DZIP3: variants seen among roughly 807,000 people sequenced by gnomAD.
The protein encoded by DZIP3 is E3 ubiquitin-protein ligase DZIP3.
In DZIP3, 118 loss-of-function variants were observed where a neutral mutation model predicts 162.0. That is an observed-to-expected ratio of 0.73 (90% CI 0.63 to 0.85). The LOEUF is 0.85. Among genes scored for constraint, DZIP3 ranks in the 40% least tolerant of loss-of-function variants. The pLI, the probability that DZIP3 is intolerant of heterozygous loss-of-function variation, is 0.00. For missense variants in DZIP3, 1,331 were observed against 1,407.0 expected, an observed-to-expected ratio of 0.95 and a Z score of 0.86; for synonymous variants, 438 against 458.6, an observed-to-expected ratio of 0.96 and a Z score of 0.57.
At chr3:108,665,664 T>C (rs1318790547) in intron 21 of DZIP3, among the ~76,000 whole-genome samples, 1 of 152,148 alleles carries the variant, frequency 6.6e-6, no homozygotes. Context: ...CTAAGACACA[T>C]CATAACTTAA....
intron 22 of DZIP3, among the ~76,000 whole-genome samples, 180 bp downstream of exon 22, chr3:108,669,929 T>C (rs1181102882): frequency 1.3e-5 from 2 of 151,728 alleles, no homozygotes; most frequent in Non-Finnish European, 2.9e-5. Flanking sequence ...CTTAGGCAAA[T>C]AGGGAGGTAT....
chr3:108,591,351 C>T lies in DZIP3; in HGVS notation c.-73+1512C>T, dbSNP rs147437184. Among the ~76,000 whole-genome samples the T allele has an allele frequency of 4.0e-3, 611 of 152,326 alleles. 1 individual carries two copies. The highest frequency in any genetic ancestry group is 6.9e-3 in the Non-Finnish European group (471 of 68,024). On this transcript the variant is annotated intron_variant, in intron 1 of 32. Coordinates refer to ENST00000361582, the MANE Select transcript of DZIP3 (RefSeq NM_014648.4). ...ATAATTAAGTTCTCAGTGTTACAGT[C>T]AGTGCCTCATTGGCAAATGAAGTGA...
chr3:108,655,212 T>C (rs1003804862), intron 19 of DZIP3, among the ~76,000 whole-genome samples: 5 of 152,208 alleles, frequency 3.3e-5, no homozygotes, highest in African/African-American at 1.2e-4. Flanking sequence ...AACCCATTTA[T>C]CACCTGCATA....
intron 25 of DZIP3, 115 bp from the exon 26 acceptor site, chr3:108,677,382 C>T: frequency 1.5e-6 from 1 of 648,348 alleles, no homozygotes; most frequent in East Asian, 3.0e-5. Context: ...TTATTTCTGA[C>T]AGGTTGGCAA....
intron 14 of DZIP3, among the ~76,000 whole-genome samples, chr3:108,645,309 A>C (rs1268818424): frequency 1.3e-5 from 2 of 152,190 alleles, no homozygotes; most frequent in Non-Finnish European, 2.9e-5. Context: ...CATGACATGT[A>C]AGTACTGTGT....
At chr3:108,631,135 G>C (rs1941866430) in intron 8 of DZIP3, among the ~76,000 whole-genome samples, 1 of 140,884 alleles carries the variant, frequency 7.1e-6, no homozygotes, top group African/African-American at 2.7e-5. Context: ...GCTGGCCTCA[G>C]GGTTTCCCTT....
intron 27 of DZIP3, among the ~76,000 whole-genome samples, chr3:108,686,166 ATATTTATAAACAGTTAGAAAT>A (rs1401617436): frequency 6.6e-6 from 1 of 152,218 alleles, no homozygotes; most frequent in Non-Finnish European, 1.5e-5. Flanking sequence ...ATAAGTTTAA[ATATTTATAAACAGTTAGAAAT>A]ATTGTTTGTA....
At chr3:108,589,930 C>T (rs539458541) in intron 1 of DZIP3, 91 bp downstream of exon 1, 97 of 152,502 alleles carry the variant, frequency 6.4e-4, no homozygotes, top group African/African-American at 2.3e-3. Flanking sequence ...ACACCCGCCC[C>T]TTCTGCCCGG....
chr3:108,686,646 T>C (rs1559787250), intron 28 of DZIP3, 62 bp downstream of exon 28: 3 of 1,395,064 alleles, frequency 2.2e-6, no homozygotes, highest in Non-Finnish European at 2.8e-6. Context: ...ATAGCCATAA[T>C]TGTGGCAATG....
chr3:108,637,232 G>T (rs1415102258), intron 11 of DZIP3, among the ~76,000 whole-genome samples: 2 of 151,878 alleles, frequency 1.3e-5, no homozygotes, highest in Non-Finnish European at 2.9e-5. Context: ...TTTCTTTATT[G>T]TAAAATGTGC....
chr3:108,624,480 C>A lies in DZIP3; in HGVS notation c.412C>A (p.Leu138Met). 6.3e-7 allele frequency: 1 copy of A among 1,596,820 alleles called. No individual in the cohort carries two copies. The highest frequency in any genetic ancestry group is 8.6e-7 in the Non-Finnish European group (1 of 1,168,642). The stretch of plus-strand genomic sequence containing the variant: ...TAATATTGGTTATTATTTGACATTA[C>A]TGTTTTTATATGGAGTAGCACTCAC... ...QINIGYYLTLLFLYGVALTER... is the reference protein window; with the variant it reads ...QINIGYYLTLMFLYGVALTER... The change falls in exon 6 of 33, where the codon CTG (leucine) becomes ATG (methionine). Residue 138 changes from leucine (L) to methionine (M), a missense_variant. By Grantham distance (15) the Leu-to-Met change is conservative. Coordinates refer to ENST00000361582, the MANE Select transcript of DZIP3 (RefSeq NM_014648.4).
chr3:108,608,627 A>G (rs1003378153), intron 3 of DZIP3, among the ~76,000 whole-genome samples: 1 of 152,148 alleles, frequency 6.6e-6, no homozygotes, highest in African/African-American at 2.4e-5. Context: ...ATGAAAGAGA[A>G]TAACTCTGAA....
At chr3:108,623,424 T>C (rs1280652350) in intron 5 of DZIP3, among the ~76,000 whole-genome samples, 1 of 152,096 alleles carries the variant, frequency 6.6e-6, no homozygotes, top group African/African-American at 2.4e-5. Context: ...TTCAAGGCAG[T>C]GGATTCATTT....
At chr3:108,662,683 C>G (rs941376601) in intron 21 of DZIP3, among the ~76,000 whole-genome samples, 2 of 152,086 alleles carry the variant, frequency 1.3e-5, no homozygotes, top group Non-Finnish European at 2.9e-5. Flanking sequence ...GAAAACAAAT[C>G]TTTTTGTTTG....
intron 21 of DZIP3, 54 bp downstream of exon 21, chr3:108,662,311 T>A: frequency 6.5e-7 from 1 of 1,530,922 alleles, no homozygotes; most frequent in South Asian, 1.3e-5. Flanking sequence ...AAACAGTATC[T>A]TTAATAGTTA....
chr3:108,686,518 A>T lies in DZIP3; in HGVS notation c.3083A>T (p.Asp1028Val). 1.2e-6 allele frequency: 2 copies of T among 1,612,590 alleles called. No individual in the cohort carries two copies. Among genetic ancestry groups the T allele is most frequent in the Non-Finnish European group, 1.7e-6 (2 of 1,179,586 alleles). ...AVPPSAGLRS[D>V]PSIMNWERIT... ...CCTCCCAGTGCAGGTCTGCGGAGTG[A>T]TCCCTCCATCATGAATTGGGAGAGA... Residue 1028 changes from aspartate to valine, a missense_variant, in exon 28 of 33, where the codon GAT becomes GTT. By Grantham distance (152) the Asp-to-Val change is radical (BLOSUM62 -3). Transcript: ENST00000361582.
intron 26 of DZIP3, among the ~76,000 whole-genome samples, chr3:108,682,052 A>C (rs1944334661): frequency 1.3e-5 from 2 of 150,652 alleles, no homozygotes; most frequent in Admixed American, 1.3e-4. Flanking sequence ...CATTCTGTAC[A>C]TGTATCCCAG....
chr3:108,602,384 G>A (rs929123667), intron 1 of DZIP3, among the ~76,000 whole-genome samples: 7 of 152,092 alleles, frequency 4.6e-5, no homozygotes, highest in Non-Finnish European at 1.0e-4. Flanking sequence ...GATATGGATG[G>A]TATTACCTTA....
upstream of DZIP3, chr3:108,589,525 T>C (rs1335924945): frequency 1.7e-5 from 9 of 531,232 alleles, no homozygotes; most frequent in Middle Eastern, 5.0e-4. Context: ...CTAGGCACCC[T>C]AGGGGACCGT....
Sources: gnomAD v4.1 joint callset for allele counts (sites outside exome capture counted in the v4.1 genomes callset) on GRCh38, gnomAD v4.1.1 for gene constraint, MANE v1.5 for transcripts, NCBI Gene and HGNC (gene_info 2026-07-23, HGNC 2026-07-21) for gene names.